REV3L: variants seen among roughly 807,000 people sequenced by gnomAD.
The protein encoded by REV3L is DNA polymerase zeta catalytic subunit.
REV3L carries 69 observed loss-of-function variants against 299.4 expected under a neutral mutation model. That is an observed-to-expected ratio of 0.23 (90% CI 0.19 to 0.28). The LOEUF is 0.28. REV3L is among the 10% of genes least tolerant of loss of function. The pLI is 1.00. For missense variants in REV3L, 3,128 were observed against 3,693.8 expected (o/e 0.85, Z 3.97); for synonymous variants, 1,238 against 1,271.4 (o/e 0.97, Z 0.56).
chr6:111,326,776 G>T (rs1249588291), intron 25 of REV3L, among the ~76,000 whole-genome samples: 1 of 151,206 alleles, frequency 6.6e-6, no homozygotes, highest in African/African-American at 2.4e-5. Flanking sequence ...ATATCATACA[G>T]CCATAAAAAA....
chr6:111,308,692 C>T (rs1247701154), intron 30 of REV3L, among the ~76,000 whole-genome samples: 1 of 152,190 alleles, frequency 6.6e-6, no homozygotes, highest in Non-Finnish European at 1.5e-5. Flanking sequence ...CTTTCTTAGA[C>T]ATTCATTTCG....
intron 16 of REV3L, 59 bp from the exon 17 acceptor site, chr6:111,359,073 AGTAT>A (rs1778381683): frequency 1.4e-6 from 2 of 1,417,724 alleles, no homozygotes; most frequent in Non-Finnish European, 1.9e-6. Context: ...TGCTCAAAGA[AGTAT>A]GTAAGGCTCT....
chr6:111,373,820 C>T lies in REV3L; in HGVS notation c.4535G>A (p.Arg1512Gln), dbSNP rs776967346. The T allele has an allele frequency of 3.7e-6, 6 of 1,614,068 alleles. No homozygotes were observed. The highest frequency in any genetic ancestry group is 4.5e-5 in the East Asian group (2 of 44,882). ...AAATGCTGAAGGTGTTGACACATTTCGATTTTTACACTGAGAAAGTGCTTT... is the reference window on the plus strand; with the variant it reads ...AAATGCTGAAGGTGTTGACACATTTTGATTTTTACACTGAGAAAGTGCTTT... ...QTKALSQCKN[R>Q]NVSTPSAFGE... The change falls in exon 13 of 32, where the codon CGA becomes CAA. Residue 1512 changes from arginine (R) to glutamine (Q), a missense_variant. Physicochemically the swap from Arg to Gln is conservative, Grantham distance 43 (BLOSUM62 1). Around this residue, in one of 9 missense-constraint regions of REV3L, gnomAD observed 2,409 missense variants for 2,611.8 expected, o/e 0.92. Coordinates refer to ENST00000368802, the MANE Select transcript of REV3L (RefSeq NM_001372078.1).
chr6:111,444,447 C>A (rs976306571), intron 1 of REV3L, among the ~76,000 whole-genome samples: 5 of 151,982 alleles, frequency 3.3e-5, no homozygotes, highest in Admixed American at 2.0e-4. Context: ...AAGACAAAGA[C>A]CTGAAAGAGA....
chr6:111,425,102 G>T (rs549174332), intron 1 of REV3L, among the ~76,000 whole-genome samples: 2 of 152,298 alleles, frequency 1.3e-5, no homozygotes, highest in African/African-American at 4.8e-5. Flanking sequence ...GCTGAGAAAA[G>T]AGGCATTTAA....
intron 1 of REV3L, among the ~76,000 whole-genome samples, chr6:111,475,625 T>A (rs959608024): frequency 6.6e-6 from 1 of 152,204 alleles, no homozygotes; most frequent in Admixed American, 6.5e-5. Flanking sequence ...TTTTTTCATA[T>A]GAATTCTCTT....
At chr6:111,308,535 T>C (rs973365500) in intron 30 of REV3L, among the ~76,000 whole-genome samples, 1 of 152,204 alleles carries the variant, frequency 6.6e-6, no homozygotes, top group Admixed American at 6.5e-5. Context: ...AGGCATATCA[T>C]TTTCGCACCA....
At chr6:111,301,293 G>T (rs1204073230) in intron 31 of REV3L, among the ~76,000 whole-genome samples, 1 of 152,162 alleles carries the variant, frequency 6.6e-6, no homozygotes, top group African/African-American at 2.4e-5. Context: ...ACCTTCATCA[G>T]TAATTCTAGT....
At chr6:111,452,321 T>C (rs1789646450) in intron 1 of REV3L, among the ~76,000 whole-genome samples, 1 of 152,106 alleles carries the variant, frequency 6.6e-6, no homozygotes, top group African/African-American at 2.4e-5. Flanking sequence ...GAAGTAAACT[T>C]ACCATTCAAC....
rs749474263 is a variant in REV3L, at chr6:111,389,193, G to A, written c.775C>T (p.Pro259Ser). The A allele has an allele frequency of 9.9e-6, 16 of 1,613,220 alleles. No homozygotes were observed. Among genetic ancestry groups the A allele is most frequent in the Non-Finnish European group, 1.4e-5 (16 of 1,179,652 alleles). The change falls in exon 7 of 32, where the codon CCT becomes TCT. Residue 259 changes from proline to serine, a missense_variant. Around this residue, in one of 9 missense-constraint regions of REV3L, gnomAD observed 2,409 missense variants for 2,611.8 expected, o/e 0.92. Coordinates refer to ENST00000368802, the MANE Select transcript of REV3L (RefSeq NM_001372078.1). ...LDIEAQIGGN[P>S]GLQAIWEDEK... ...TCTTCCCATATGGCCTGTAGACCAGGGTTTCCACCAATTTGAGCTGTAATC... is the reference window on the plus strand; with the variant it reads ...TCTTCCCATATGGCCTGTAGACCAGAGTTTCCACCAATTTGAGCTGTAATC...
intron 1 of REV3L, chr6:111,431,426 T>C: frequency 9.8e-7 from 1 of 1,018,388 alleles, no homozygotes; most frequent in Non-Finnish European, 1.6e-6. Context: ...TTAAAGTTTT[T>C]GATTCTGAGG....
chr6:111,415,594 T>C (rs1393344555), intron 2 of REV3L, among the ~76,000 whole-genome samples: 2 of 152,124 alleles, frequency 1.3e-5, no homozygotes, highest in Admixed American at 6.6e-5. Context: ...TTGAGAATCA[T>C]TGGTCCTCAC....
chr6:111,325,690 T>C (rs1774709528), intron 25 of REV3L, among the ~76,000 whole-genome samples: 1 of 152,216 alleles, frequency 6.6e-6, no homozygotes, highest in Non-Finnish European at 1.5e-5. Context: ...ATGCGGTACA[T>C]ATGATGTACA....
At chr6:111,308,512 C>T (rs192911419) in intron 30 of REV3L, among the ~76,000 whole-genome samples, 4 of 152,266 alleles carry the variant, frequency 2.6e-5, no homozygotes, top group East Asian at 1.9e-4. Context: ...ACTTGAACTA[C>T]GGTTTCTACA....
Position 111,380,068 on chromosome 6 carries a change from T to A in REV3L, c.1368A>T (p.Pro456=). The change falls in exon 11 of 32, where the codon CCA becomes CCT. Residue 456 remains proline (P), a synonymous_variant. Transcript: ENST00000368802. ...PQNSDDEENE[P]QIEKEEMELS... is the part of the protein sequence containing the mutation. ...GCTCCATTTCCTCTTTTTCAATCTG[T>A]GGTTCATTTTCTTCATCATCACTAT... 2 of 1,614,012 alleles carry A rather than the reference T, an allele frequency of 1.2e-6. No homozygotes were observed. The highest frequency in any genetic ancestry group is 1.7e-6 in the Non-Finnish European group (2 of 1,179,936).
chr6:111,348,277 T>C (rs1386152665), intron 20 of REV3L, among the ~76,000 whole-genome samples: 6 of 152,146 alleles, frequency 3.9e-5, no homozygotes, highest in East Asian at 1.9e-4. Flanking sequence ...ATAAGAGAAA[T>C]TGGGTAACTT....
intron 1 of REV3L, among the ~76,000 whole-genome samples, chr6:111,467,162 A>T (rs1444095620): frequency 1.3e-5 from 2 of 152,256 alleles, no homozygotes; most frequent in Non-Finnish European, 2.9e-5. Context: ...TAAAATGTTT[A>T]AAATTATATT....
At chr6:111,439,853 C>T (rs889033967) in intron 1 of REV3L, among the ~76,000 whole-genome samples, 12 of 152,122 alleles carry the variant, frequency 7.9e-5, no homozygotes, top group Non-Finnish European at 5.9e-5. Context: ...GGGCCCAATT[C>T]CTCTTCAAGA....
intron 19 of REV3L, 36 bp downstream of exon 19, chr6:111,351,640 G>T: frequency 6.7e-7 from 1 of 1,486,344 alleles, no homozygotes; most frequent in Non-Finnish European, 9.4e-7. Flanking sequence ...AATTTGCTCT[G>T]TAGTTGAATG....
Sources: gnomAD v4.1 joint callset for allele counts (sites outside exome capture counted in the v4.1 genomes callset) on GRCh38, gnomAD v4.1.1 for gene constraint, gnomAD v4.1.1 regional missense constraint, MANE v1.5 for transcripts, NCBI Gene and HGNC (gene_info 2026-07-23, HGNC 2026-07-21) for gene names.